FOXJ3: variants seen among roughly 807,000 people sequenced by gnomAD.
The protein encoded by FOXJ3 is forkhead box protein J3.
In FOXJ3, 22 loss-of-function variants were observed where a neutral mutation model predicts 76.1. That is an observed-to-expected ratio of 0.29 (90% CI 0.21 to 0.41). FOXJ3 has a LOEUF of 0.41. Among genes scored for constraint, FOXJ3 ranks in the 10% least tolerant of loss-of-function variants. The pLI is 1.00. For missense variants in FOXJ3, 613 were observed against 762.1 expected, an observed-to-expected ratio of 0.80 and a Z score of 2.30; for synonymous variants, 269 against 261.2, an observed-to-expected ratio of 1.03 and a Z score of -0.29.
chr1:42,323,177 A>G (rs1394543559), intron 1 of FOXJ3, among the ~76,000 whole-genome samples: 5 of 152,176 alleles, frequency 3.3e-5, no homozygotes, highest in African/African-American at 4.8e-5. Context: ...GACCAGTGTA[A>G]TATTTTCCAG....
intron 4 of FOXJ3, among the ~76,000 whole-genome samples, chr1:42,263,391 A>C (rs577052301): frequency 3.2e-4 from 49 of 152,344 alleles, no homozygotes; most frequent in Non-Finnish European, 4.1e-4. Context: ...TCTAGTAAAT[A>C]ATCTCTGAAG....
intron 1 of FOXJ3, among the ~76,000 whole-genome samples, chr1:42,325,997 A>C (rs563238413): frequency 6.6e-6 from 1 of 152,340 alleles, no homozygotes; most frequent in South Asian, 2.1e-4. Context: ...ACTGTGGCTT[A>C]CACCTGTAAT....
At chr1:42,277,963 C>G (rs952571345) in intron 3 of FOXJ3, among the ~76,000 whole-genome samples, 2 of 133,374 alleles carry the variant, frequency 1.5e-5, no homozygotes, top group Non-Finnish European at 3.1e-5. Context: ...GGCGTCAGAG[C>G]GAGACTCCAT....
At chr1:42,264,804 T>C (rs1488202502) in intron 4 of FOXJ3, 5 of 277,206 alleles carry the variant, frequency 1.8e-5, no homozygotes, top group South Asian at 1.0e-4. Flanking sequence ...TACACAGAGA[T>C]GCACCCCTTA....
intron 4 of FOXJ3, among the ~76,000 whole-genome samples, chr1:42,261,018 T>C (rs1650991041): frequency 6.6e-6 from 1 of 152,202 alleles, no homozygotes; most frequent in African/African-American, 2.4e-5. Flanking sequence ...TCAAAGATCA[T>C]TTCTCTGAAC....
chr1:42,229,753 T>A (rs1390210482), intron 4 of FOXJ3, among the ~76,000 whole-genome samples: 1 of 152,186 alleles, frequency 6.6e-6, no homozygotes, highest in East Asian at 1.9e-4. Flanking sequence ...GGGAATAGGT[T>A]TGGCTAGCAA....
chr1:42,280,459 A>AAC, intron 2 of FOXJ3: 1 of 949,946 alleles, frequency 1.1e-6, no homozygotes, highest in Non-Finnish European at 1.3e-6. Flanking sequence ...AAAAAAAAAA[A>AAC]AAAAAAACTT....
chr1:42,237,397 CATACATACATATAT>C (rs1197656248), intron 4 of FOXJ3, among the ~76,000 whole-genome samples: 1 of 55,506 alleles, frequency 1.8e-5, no homozygotes, highest in Non-Finnish European at 3.8e-5. Flanking sequence ...TATATACATA[CATACATACATATAT>C]ATATATATAT....
chr1:42,207,866 A>C (rs1159371687), intron 5 of FOXJ3, among the ~76,000 whole-genome samples: 1 of 152,346 alleles, frequency 6.6e-6, no homozygotes, highest in Middle Eastern at 3.4e-3. Context: ...TAGAAGAGCT[A>C]TAAAAATAAC....
At chr1:42,324,104 G>GTATATATACTGTATATACACAGTGTA (rs1557725916) in intron 1 of FOXJ3, among the ~76,000 whole-genome samples, 1 of 88,956 alleles carries the variant, frequency 1.1e-5, no homozygotes, top group African/African-American at 5.1e-5. Context: ...TATATACTGT[G>GTATATATACTGTATATACACAGTGTA]TATATACACT....
intron 5 of FOXJ3, among the ~76,000 whole-genome samples, chr1:42,217,409 G>C (rs890064645): frequency 2.0e-5 from 3 of 152,000 alleles, no homozygotes; most frequent in Non-Finnish European, 4.4e-5. Context: ...TGCGCCTGTA[G>C]TCCCAGCTAC....
At chr1:42,189,138 T>C (rs1164536283) in intron 10 of FOXJ3, 165 bp downstream of exon 10, 1 of 626,348 alleles carries the variant, frequency 1.6e-6, no homozygotes, top group African/African-American at 1.8e-5. Flanking sequence ...AACTTGTCTG[T>C]GACCCTCTGC....
At chr1:42,187,429 T>C (rs191496) in intron 11 of FOXJ3, among the ~76,000 whole-genome samples, 37,203 of 151,604 alleles carry the variant, frequency 0.25, 4,632 homozygotes, top group South Asian at 0.34. Flanking sequence ...CAGAGAGAGG[T>C]GGTACACCTG....
In FOXJ3 at chr1:42,196,685, T is replaced by C. The variant is rs541433963; in HGVS notation, c.760-1621A>G. Among the ~76,000 whole-genome samples, 12 of 152,260 alleles carry C rather than the reference T, an allele frequency of 7.9e-5. No homozygotes were observed. In the East Asian group the frequency reaches 2.3e-3, roughly 29 times the overall value. ...TTCAGTCTGGGCGACAGAGAGAGAC[T>C]CCATCTCAAAAACAACAAAAAAAGC... is the stretch of plus-strand genomic sequence containing the variant. On this transcript the variant is annotated intron_variant, in intron 7 of 12. Coordinates refer to ENST00000361346, the MANE Select transcript of FOXJ3 (RefSeq NM_014947.5).
At chr1:42,190,038 A>C (rs1288173684) in intron 9 of FOXJ3, among the ~76,000 whole-genome samples, 1 of 152,192 alleles carries the variant, frequency 6.6e-6, no homozygotes, top group African/African-American at 2.4e-5. Context: ...CTCTGCAAGA[A>C]ATGCTGATGA....
chr1:42,272,308 T>C (rs1401168871), intron 3 of FOXJ3, among the ~76,000 whole-genome samples: 1 of 152,160 alleles, frequency 6.6e-6, no homozygotes, highest in Non-Finnish European at 1.5e-5. Flanking sequence ...TGCTGAAGTG[T>C]TCTAAACAAA....
intron 2 of FOXJ3, among the ~76,000 whole-genome samples, chr1:42,308,934 C>T (rs1349009524): frequency 7.5e-6 from 1 of 133,130 alleles, no homozygotes; most frequent in Non-Finnish European, 1.5e-5. Context: ...TTTCCCACAA[C>T]TAAAATATCT....
chr1:42,208,745 C>A lies in FOXJ3; in HGVS notation c.529-2882G>T, dbSNP rs552100428. Among the ~76,000 whole-genome samples the A allele has an allele frequency of 3.3e-5, 5 of 152,244 alleles. No individual in the cohort carries two copies. The South Asian group carries it at 8.3e-4, about 25-fold the overall frequency. On this transcript the variant is annotated intron_variant, in intron 5 of 12. Transcript: ENST00000361346. ...TGCTCTTCGACTTATGATGGGGTTA[C>A]GTCCCAATAAACCCATCATAAACTG...
chr1:42,235,204 G>C (rs201553373), intron 4 of FOXJ3, among the ~76,000 whole-genome samples: 1 of 152,224 alleles, frequency 6.6e-6, no homozygotes, highest in African/African-American at 2.4e-5. Context: ...CTCCGAGCCA[G>C]GCACGGGATA....
Sources: allele counts gnomAD v4.1 joint callset (sites outside exome capture counted in the v4.1 genomes callset), GRCh38; gene constraint gnomAD v4.1.1; transcripts MANE v1.5; gene names NCBI Gene and HGNC (gene_info 2026-07-23, HGNC 2026-07-21).